The following TMEM236 variants were observed in gnomAD, a reference collection of about 807,000 sequenced individuals.
The protein encoded by TMEM236 is transmembrane protein 236, also known as family with sequence similarity 23, member A.
Under a neutral mutation model 14.7 loss-of-function variants are expected in TMEM236, and 11 were observed. The ratio of observed to expected loss-of-function variants is 0.75; its 90% CI spans 0.47 to 1.24. The LOEUF is 1.24. TMEM236 is among the 50% of genes most tolerant of loss of function. The probability of loss-of-function intolerance (pLI) is 0.00; values close to 1 mark genes in which losing one functional copy is unlikely to be tolerated. For synonymous variants in TMEM236, 182 were observed against 168.6 expected (o/e 1.08, Z -0.62); for missense variants, 464 against 427.3 (o/e 1.09, Z -0.76).
intron 3 of TMEM236, among the ~76,000 whole-genome samples, chr10:17,785,178 G>T (rs1393286176): frequency 6.6e-6 from 1 of 152,170 alleles, no homozygotes; most frequent in African/African-American, 2.4e-5. Context: ...CTAAGCTATT[G>T]CCATTGAATC....
chr10:17,796,585 G>A lies in TMEM236; in HGVS notation c.*81G>A. The A allele has an allele frequency of 2.4e-6, 3 of 1,244,178 alleles. No individual in the cohort carries two copies. The South Asian group carries it at 3.7e-5, about 15-fold the overall frequency. The allele number at this position is 1,244,178 out of a possible 1,614,324, so 77.1% of individuals were successfully genotyped here. On this transcript the variant is annotated 3_prime_UTR_variant, in exon 4 of 4. Coordinates refer to ENST00000377495, the MANE Select transcript of TMEM236 (RefSeq NM_001098844.3). ...TCCTTCTTTTTTTCTTGGGGCGTAGGTGTTTGCACTATAAAGGAAATGACT... is the reference window on the plus strand; with the variant it reads ...TCCTTCTTTTTTTCTTGGGGCGTAGATGTTTGCACTATAAAGGAAATGACT...
chr10:17,776,007 G>A lies in TMEM236; in HGVS notation c.331-22G>A, dbSNP rs577440122. On this transcript the variant is annotated intron_variant, in intron 2 of 3. Transcript: ENST00000377495. ...AAGAAAGCACAATAATTTAATGCTTGTAAATGGTTTTCTCTAAACAGGTTC... is the reference window on the plus strand; with the variant it reads ...AAGAAAGCACAATAATTTAATGCTTATAAATGGTTTTCTCTAAACAGGTTC... The A allele has an allele frequency of 3.1e-6, 5 of 1,613,466 alleles. No individual in the cohort carries two copies. The Admixed American group carries it at 8.3e-5, about 27-fold the overall frequency.
rs924679464 is a variant in TMEM236 at position 17,794,405 on chromosome 10, T to C, written c.473-1516T>C. ...CCAAAATGGTGTTTTAGTGGATAAA[T>C]GTTTGAAAAAGAACTCGTTATACCT... On this transcript the variant is annotated intron_variant, in intron 3 of 3. Coordinates refer to ENST00000377495, the MANE Select transcript of TMEM236 (RefSeq NM_001098844.3). Among the ~76,000 whole-genome samples, 437 of 152,286 alleles carry C rather than the reference T, an allele frequency of 2.9e-3. 3 individuals are homozygous for C. Among genetic ancestry groups the C allele is most frequent in the Middle Eastern group, 6.8e-3 (2 of 294 alleles).
chr10:17,762,873 G>A (rs911188554), intron 1 of TMEM236, among the ~76,000 whole-genome samples: 35 of 151,258 alleles, frequency 2.3e-4, no homozygotes, highest in Non-Finnish European at 4.3e-4. Flanking sequence ...GGCTGGTCTC[G>A]AACTCCTGAA....
chr10:17,781,457 G>A (rs901107371), intron 3 of TMEM236, among the ~76,000 whole-genome samples: 7 of 152,072 alleles, frequency 4.6e-5, no homozygotes, highest in African/African-American at 1.4e-4. Context: ...TTTGCATGCA[G>A]CCCGGCGTGG....
Position 17,762,606 on chromosome 10 carries a change from TATATATATATATAC to T in TMEM236, c.258-8701_258-8688del, listed in dbSNP as rs1192015575. On this transcript the variant is annotated intron_variant, in intron 1 of 3. Coordinates refer to ENST00000377495, the MANE Select transcript of TMEM236 (RefSeq NM_001098844.3). ...ATATATATATATATATATATATATA[TATATATATATATAC>T]ACACATACATATATATATATATTTA... Among the ~76,000 whole-genome samples the T allele has an allele frequency of 4.1e-3, 318 of 77,480 alleles. 6 individuals are homozygous for T. The highest frequency in any genetic ancestry group is 8.3e-3 in the African/African-American group (90 of 10,850). 50.8% of individuals were successfully genotyped at this position (77,480 alleles called of 152,430 possible). A position where few individuals can be genotyped will look rare whatever the true frequency, so the allele number is the denominator to read the frequency against.
chr10:17,782,736 C>T (rs1837773685), intron 3 of TMEM236, among the ~76,000 whole-genome samples: 1 of 152,106 alleles, frequency 6.6e-6, no homozygotes. Context: ...CAGGTGTGAG[C>T]CACCGCGCCA....
chr10:17,798,491 A>G lies in TMEM236; in HGVS notation c.*1987A>G. The G allele has an allele frequency of 1.9e-6, 1 of 519,832 alleles. No individual in the cohort carries two copies. Among genetic ancestry groups the G allele is most frequent in the Non-Finnish European group, 3.9e-6 (1 of 253,816 alleles). The allele number at this position is 519,832 out of a possible 1,614,324, so 32.2% of individuals were successfully genotyped here. ...GAGGTCAAGGCTACAGTGAGCTATGATCATGCCACTGCACTCCAGACTGGG... is the reference window on the plus strand; with the variant it reads ...GAGGTCAAGGCTACAGTGAGCTATGGTCATGCCACTGCACTCCAGACTGGG... On this transcript the variant is annotated 3_prime_UTR_variant, in exon 4 of 4. Transcript: ENST00000377495.
At chr10:17,779,894 G>T (rs996245543) in intron 3 of TMEM236, among the ~76,000 whole-genome samples, 1 of 152,122 alleles carries the variant, frequency 6.6e-6, no homozygotes, top group South Asian at 2.1e-4. Context: ...TGGTGCTGCT[G>T]TTGCTTGTGT....
Position 17,752,229 on chromosome 10 carries a change from T to C in TMEM236, c.-67T>C. 1 of 1,613,598 alleles carries C rather than the reference T, an allele frequency of 6.2e-7. No individual in the cohort carries two copies. Among genetic ancestry groups the C allele is most frequent in the Admixed American group, 1.7e-5 (1 of 60,010 alleles). Reference sequence around the variant, plus strand: ...GAACTTGATCCCAGTTCAGTGTCTGTGGGTCCATATGCTGCCCACAGTCAA... The same window carrying C: ...GAACTTGATCCCAGTTCAGTGTCTGCGGGTCCATATGCTGCCCACAGTCAA... On this transcript the variant is annotated 5_prime_UTR_variant, in exon 1 of 4. Coordinates refer to ENST00000377495, the MANE Select transcript of TMEM236 (RefSeq NM_001098844.3).
chr10:17,790,226 C>G (rs1837905055), intron 3 of TMEM236, among the ~76,000 whole-genome samples: 1 of 151,898 alleles, frequency 6.6e-6, no homozygotes, highest in Non-Finnish European at 1.5e-5. Flanking sequence ...GACGCAGTCT[C>G]AAAAATAATA....
At chr10:17,779,508 A>G (rs1837713981) in intron 3 of TMEM236, among the ~76,000 whole-genome samples, 1 of 152,062 alleles carries the variant, frequency 6.6e-6, no homozygotes, top group African/African-American at 2.4e-5. Context: ...TTTGAGACAG[A>G]GTCTTGATCC....
Position 17,797,655 on chromosome 10 carries a change from T to C in TMEM236, c.*1151T>C, listed in dbSNP as rs1280808725. 1.3e-5 allele frequency: 2 copies of C among 152,214 alleles called. No homozygotes were observed. Among genetic ancestry groups the C allele is most frequent in the Non-Finnish European group, 2.9e-5 (2 of 68,036 alleles). The allele number at this position is 152,214 out of a possible 1,614,324, so 9.4% of individuals were successfully genotyped here. A position where few individuals can be genotyped will look rare whatever the true frequency, so the allele number is the denominator to read the frequency against. ...AGGGGTTCCTTCAAAGGTGGAATTA[T>C]ATTCTTTATTCCATTGTGGCAAGGG... On this transcript the variant is annotated 3_prime_UTR_variant, in exon 4 of 4. Transcript: ENST00000377495.
At chr10:17,787,060 C>G (rs1554835756) in intron 3 of TMEM236, among the ~76,000 whole-genome samples, 1 of 152,202 alleles carries the variant, frequency 6.6e-6, no homozygotes, top group African/African-American at 2.4e-5. Context: ...AATTAAACCT[C>G]CTTTTCTTCC....
chr10:17,791,284 T>G (rs1431595019), intron 3 of TMEM236, among the ~76,000 whole-genome samples: 2 of 83,516 alleles, frequency 2.4e-5, no homozygotes. Flanking sequence ...CGTGTCTCTA[T>G]AAAAAGTAAA....
chr10:17,753,710 C>T (rs1051864240), intron 1 of TMEM236, among the ~76,000 whole-genome samples: 35 of 152,126 alleles, frequency 2.3e-4, no homozygotes, highest in Admixed American at 4.6e-4. Context: ...AACGAACATA[C>T]GGGTGCATGT....
At chr10:17,775,964 T>C (rs558866884) in intron 2 of TMEM236, 65 bp from the exon 3 acceptor site, 260,485 of 1,575,452 alleles carry the variant, frequency 0.17, 23,318 homozygotes, top group African/African-American at 0.3. Flanking sequence ...ATTCAGACTA[T>C]TGAAAGCATT....
intron 3 of TMEM236, among the ~76,000 whole-genome samples, chr10:17,786,653 T>A (rs980501688): frequency 1.8e-4 from 28 of 152,216 alleles, no homozygotes; most frequent in Non-Finnish European, 8.8e-5. Context: ...TGTTTCTGGA[T>A]GTGTGTGCAT....
At chr10:17,786,038 A>G (rs1316375838) in intron 3 of TMEM236, among the ~76,000 whole-genome samples, 2 of 152,046 alleles carry the variant, frequency 1.3e-5, no homozygotes, top group East Asian at 3.9e-4. Context: ...TTTGATCTTG[A>G]CAGCTTTATA....
Sources: gnomAD v4.1 joint callset for allele counts (sites outside exome capture counted in the v4.1 genomes callset) on GRCh38, gnomAD v4.1.1 for gene constraint, MANE v1.5 for transcripts, NCBI Gene and HGNC (gene_info 2026-07-23, HGNC 2026-07-21) for gene names.